REEP3: variants seen among roughly 807,000 people sequenced by gnomAD.
REEP3 encodes receptor expression-enhancing protein 3.
Under a neutral mutation model 41.3 loss-of-function variants are expected in REEP3, and 20 were observed. That is an observed-to-expected ratio of 0.48 (90% CI 0.34 to 0.70). The LOEUF (loss-of-function observed/expected upper bound fraction) is 0.70, where lower values mean the gene tolerates loss of function less well. Among genes scored for constraint, REEP3 ranks in the 30% least tolerant of loss-of-function variants. REEP3 has a pLI of 0.01. For missense variants in REEP3, 271 were observed against 308.8 expected (o/e 0.88, Z 0.92); for synonymous variants, 104 against 101.8 (o/e 1.02, Z -0.13).
chr10:63,620,938 T>C lies in REEP3; in HGVS notation c.*69T>C. On this transcript the variant is annotated 3_prime_UTR_variant, in exon 8 of 8. Transcript: ENST00000373758. ...ATCGACTTCATCTTCTAACATGATATATTCAGGATTTACACATTAAAATGA... is the reference window on the plus strand; with the variant it reads ...ATCGACTTCATCTTCTAACATGATACATTCAGGATTTACACATTAAAATGA... The C allele has an allele frequency of 1.0e-6, 1 of 962,656 alleles. No homozygotes were observed. Among genetic ancestry groups the C allele is most frequent in the Non-Finnish European group, 1.6e-6 (1 of 622,454 alleles). The allele number at this position is 962,656 out of a possible 1,614,324, so 59.6% of individuals were successfully genotyped here.
rs1179442727 is a variant in REEP3 at position 63,623,957 on chromosome 10, T to C, written c.*3088T>C. ...ATAAAGTATATAAATATTCCAAATT[T>C]CTGTGGTTAAATATTTTTTTCTTTT... On this transcript the variant is annotated 3_prime_UTR_variant, in exon 8 of 8. Transcript: ENST00000373758. The C allele has an allele frequency of 2.6e-5, 4 of 152,904 alleles. No homozygotes were observed. Among genetic ancestry groups the C allele is most frequent in the South Asian group, 2.1e-4 (1 of 4,866 alleles). The allele number at this position is 152,904 out of a possible 1,614,324, so 9.5% of individuals were successfully genotyped here. A position where few individuals can be genotyped will look rare whatever the true frequency, so the allele number is the denominator to read the frequency against.
intron 1 of REEP3, among the ~76,000 whole-genome samples, chr10:63,539,991 G>T (rs116067947): frequency 1.3e-5 from 2 of 152,228 alleles, no homozygotes; most frequent in Middle Eastern, 3.4e-3. Context: ...ATTTTAAAAC[G>T]CAACAAAAAT....
chr10:63,601,555 G>T (rs1564489497), intron 5 of REEP3, among the ~76,000 whole-genome samples: 1 of 152,176 alleles, frequency 6.6e-6, no homozygotes, highest in Non-Finnish European at 1.5e-5. Flanking sequence ...GATGAAAGGT[G>T]CCAGGAGGGA....
chr10:63,542,305 A>G (rs1200738463), intron 1 of REEP3, among the ~76,000 whole-genome samples: 1 of 151,898 alleles, frequency 6.6e-6, no homozygotes, highest in Admixed American at 6.5e-5. Flanking sequence ...CGAACTCCTG[A>G]CCTCAGGTGA....
intron 1 of REEP3, among the ~76,000 whole-genome samples, chr10:63,532,595 G>A (rs1331195776): frequency 3.3e-5 from 5 of 151,670 alleles, no homozygotes; most frequent in Non-Finnish European, 7.4e-5. Context: ...GGCGGAGCTC[G>A]CAGTGAGCCA....
chr10:63,613,692 A>T (rs1044972485), intron 6 of REEP3, among the ~76,000 whole-genome samples: 1 of 152,246 alleles, frequency 6.6e-6, no homozygotes, highest in African/African-American at 2.4e-5. Context: ...AATGAGAAAG[A>T]CTGTCTTTCA....
intron 1 of REEP3, among the ~76,000 whole-genome samples, chr10:63,536,639 T>TA: frequency 6.6e-6 from 1 of 151,800 alleles, no homozygotes; most frequent in South Asian, 2.1e-4. Flanking sequence ...AATCAGAAGA[T>TA]AAAAAGAATT....
At chr10:63,581,232 T>C (rs1353486424) in intron 2 of REEP3, among the ~76,000 whole-genome samples, 1 of 152,102 alleles carries the variant, frequency 6.6e-6, no homozygotes, top group Non-Finnish European at 1.5e-5. Flanking sequence ...GTCAACCAGA[T>C]TGCCATCACA....
chr10:63,541,989 A>G (rs1215485505), intron 1 of REEP3, among the ~76,000 whole-genome samples: 1 of 152,132 alleles, frequency 6.6e-6, no homozygotes, highest in African/African-American at 2.4e-5. Flanking sequence ...CAGAATTGAG[A>G]GCTTCATAAA....
At chr10:63,553,837 G>A (rs1368493214) in intron 1 of REEP3, among the ~76,000 whole-genome samples, 5 of 152,050 alleles carry the variant, frequency 3.3e-5, no homozygotes, top group South Asian at 4.1e-4. Context: ...GGTGGCTCAC[G>A]CCTATTTGTA....
intron 5 of REEP3, chr10:63,606,005 C>A: frequency 2.6e-6 from 1 of 389,406 alleles, no homozygotes; most frequent in African/African-American, 2.2e-5. Flanking sequence ...AGAAACAGTT[C>A]TGCTCACGAT....
At chr10:63,547,094 G>A (rs1228365000) in intron 1 of REEP3, among the ~76,000 whole-genome samples, 2 of 151,508 alleles carry the variant, frequency 1.3e-5, no homozygotes, top group Non-Finnish European at 2.9e-5. Context: ...GCTAATTTTT[G>A]TATTTTTAGT....
chr10:63,533,710 CT>C lies in REEP3; in HGVS notation c.32+12148del, dbSNP rs71025187. Among the ~76,000 whole-genome samples the C allele has an allele frequency of 2.5e-3, 253 of 101,062 alleles. 5 individuals are homozygous for C. The highest frequency in any genetic ancestry group is 4.1e-3 in the African/African-American group (125 of 30,286). The allele number at this position is 101,062 out of a possible 152,430, so 66.3% of individuals were successfully genotyped here. A position where few individuals can be genotyped will look rare whatever the true frequency, so the allele number is the denominator to read the frequency against. On this transcript the variant is annotated intron_variant, in intron 1 of 7. Coordinates refer to ENST00000373758, the MANE Select transcript of REEP3 (RefSeq NM_001001330.3). The stretch of plus-strand genomic sequence containing the variant: ...GAAAGAGCCTTGGAAGTATGTAAAT[CT>C]TTTTTTTTTTTTTTGAGACGGAGTC...
chr10:63,575,028 G>A (rs1000133407), intron 2 of REEP3, among the ~76,000 whole-genome samples: 1 of 151,516 alleles, frequency 6.6e-6, no homozygotes, highest in African/African-American at 2.4e-5. Flanking sequence ...GGCTAATTTT[G>A]TATTTTTAGA....
At chr10:63,574,552 A>G (rs138098081) in intron 2 of REEP3, among the ~76,000 whole-genome samples, 222 of 152,314 alleles carry the variant, frequency 1.5e-3, no homozygotes, top group South Asian at 4.1e-3. Flanking sequence ...TACCTTAAAC[A>G]TAACAGTACC....
intron 1 of REEP3, among the ~76,000 whole-genome samples, chr10:63,526,491 G>A (rs7100384): frequency 1 from 152,230 of 152,232 alleles, 76,114 homozygotes; most frequent in Middle Eastern, 1. Context: ...TGAATTGCCA[G>A]ATTGCTTTCC....
chr10:63,553,019 C>A (rs1955644029), intron 1 of REEP3, among the ~76,000 whole-genome samples: 1 of 152,194 alleles, frequency 6.6e-6, no homozygotes, highest in Admixed American at 6.5e-5. Context: ...CTCACAAATG[C>A]TTTTACAATG....
In REEP3 at chr10:63,542,818, C is replaced by T. The variant is rs548335027; in HGVS notation, c.32+21241C>T. 6.6e-5 allele frequency among the ~76,000 whole-genome samples: 10 copies of T among 152,260 alleles called. No homozygotes were observed. In the South Asian group the frequency reaches 1.7e-3, roughly 25 times the overall value. On this transcript the variant is annotated intron_variant, in intron 1 of 7. Coordinates refer to ENST00000373758, the MANE Select transcript of REEP3 (RefSeq NM_001001330.3). ...AAGTAAGGTGACTTTAACAGTTTGA[C>T]CGTAAGTCTAATAGATTAATAATTC...
chr10:63,580,204 A>G (rs973598783), intron 2 of REEP3, among the ~76,000 whole-genome samples: 2 of 152,016 alleles, frequency 1.3e-5, no homozygotes, highest in Non-Finnish European at 2.9e-5. Context: ...TGGTGTGGTC[A>G]AACTCACCAC....
Sources: gnomAD v4.1 joint callset for allele counts (sites outside exome capture counted in the v4.1 genomes callset) on GRCh38, gnomAD v4.1.1 for gene constraint, MANE v1.5 for transcripts, NCBI Gene and HGNC (gene_info 2026-07-23, HGNC 2026-07-21) for gene names.